The following ADK variants were observed in gnomAD, a reference collection of about 807,000 sequenced individuals.
The protein encoded by ADK is N6,N6-dimethyladenosine kinase.
In ADK, 24 loss-of-function variants were observed where a neutral mutation model predicts 44.7. That is an observed-to-expected ratio of 0.54 (90% CI 0.39 to 0.76). The LOEUF is 0.76. ADK is among the 30% of genes least tolerant of loss of function. ADK has a pLI of 0.00. For missense variants in ADK, 321 were observed against 425.1 expected, an observed-to-expected ratio of 0.76 and a Z score of 2.15; for synonymous variants, 128 against 142.6, an observed-to-expected ratio of 0.90 and a Z score of 0.73.
intron 9 of ADK, 33 bp downstream of exon 9, chr10:74,600,526 T>G (rs757086729): frequency 4.7e-5 from 67 of 1,431,076 alleles, no homozygotes; most frequent in Non-Finnish European, 6.5e-5. Context: ...GAATCTAGTA[T>G]TATGGAGATT....
chr10:74,704,772 T>G (rs144729594), intron 10 of ADK, among the ~76,000 whole-genome samples: 2 of 152,358 alleles, frequency 1.3e-5, no homozygotes, highest in Non-Finnish European at 2.9e-5. Flanking sequence ...AGAAAACAGA[T>G]GTTGCTTATA....
At chr10:74,179,945 CAGT>C (rs1443694147) in intron 1 of ADK, among the ~76,000 whole-genome samples, 2 of 152,158 alleles carry the variant, frequency 1.3e-5, no homozygotes, top group South Asian at 2.1e-4. Context: ...CTCAGTCTAA[CAGT>C]AGCCTAAAAG....
chr10:74,626,456 C>A (rs1418344520), intron 9 of ADK, among the ~76,000 whole-genome samples: 2 of 152,030 alleles, frequency 1.3e-5, no homozygotes, highest in African/African-American at 4.8e-5. Context: ...TGTGTGTCAC[C>A]ATGCCTGGCT....
At chr10:74,596,397 A>G (rs1255193769) in intron 8 of ADK, among the ~76,000 whole-genome samples, 1 of 152,066 alleles carries the variant, frequency 6.6e-6, no homozygotes, top group Non-Finnish European at 1.5e-5. Context: ...TGATTGGTTG[A>G]TTGATTGTTT....
chr10:74,247,865 C>T (rs1263159615), intron 3 of ADK, among the ~76,000 whole-genome samples: 1 of 152,064 alleles, frequency 6.6e-6, no homozygotes, highest in Admixed American at 6.5e-5. Context: ...ACATTGGTTA[C>T]AAGCTTCCCT....
At chr10:74,314,520 T>A (rs1350965062) in intron 3 of ADK, 147 bp from the exon 4 acceptor site, 3 of 630,868 alleles carry the variant, frequency 4.8e-6, no homozygotes, top group African/African-American at 1.8e-5. Context: ...ATTTTTGTTA[T>A]AAGATATTTC....
chr10:74,434,588 G>A (rs1240569054), intron 6 of ADK, among the ~76,000 whole-genome samples: 1 of 152,102 alleles, frequency 6.6e-6, no homozygotes, highest in Non-Finnish European at 1.5e-5. Flanking sequence ...AACAAAATGT[G>A]GATTGGTATT....
chr10:74,538,477 C>G (rs1849527843), intron 7 of ADK, among the ~76,000 whole-genome samples: 1 of 152,140 alleles, frequency 6.6e-6, no homozygotes. Flanking sequence ...AAACGAATTA[C>G]AAAACAGTGA....
chr10:74,258,825 T>C (rs535922322), intron 3 of ADK, among the ~76,000 whole-genome samples: 24 of 152,326 alleles, frequency 1.6e-4, no homozygotes, highest in African/African-American at 5.1e-4. Flanking sequence ...CTCTACCTTT[T>C]TCTTTAAATT....
rs150894281 is a variant in ADK at position 74,700,140 on chromosome 10, A to G, written c.965-8181A>G. On this transcript the variant is annotated intron_variant, in intron 10 of 10. Transcript: ENST00000539909. Reference sequence around the variant, plus strand: ...TTGGAAACTATGTAAATGCCCACACATAGGAGATAGATTAAACTACAGTGT... The same window carrying G: ...TTGGAAACTATGTAAATGCCCACACGTAGGAGATAGATTAAACTACAGTGT... 1.7e-3 allele frequency among the ~76,000 whole-genome samples: 254 copies of G among 152,336 alleles called. 2 individuals are homozygous for G. The highest frequency in any genetic ancestry group is 5.9e-3 in the African/African-American group (246 of 41,584).
chr10:74,538,652 A>G (rs1589229046), intron 7 of ADK, among the ~76,000 whole-genome samples: 1 of 152,160 alleles, frequency 6.6e-6, no homozygotes, highest in African/African-American at 2.4e-5. Flanking sequence ...CTAAGCCTGA[A>G]TGATGCTTGT....
chr10:74,638,097 G>A (rs964330434), intron 9 of ADK, among the ~76,000 whole-genome samples: 19 of 152,110 alleles, frequency 1.2e-4, no homozygotes, highest in African/African-American at 4.6e-4. Flanking sequence ...AAGACTTGAA[G>A]CAATGTAGGT....
intron 3 of ADK, among the ~76,000 whole-genome samples, chr10:74,267,699 C>T (rs1378062992): frequency 6.6e-6 from 1 of 150,918 alleles, no homozygotes; most frequent in South Asian, 2.1e-4. Context: ...GGACCCTCTT[C>T]ACCTCATCTT....
At chr10:74,671,815 G>T (rs907322570) in intron 10 of ADK, among the ~76,000 whole-genome samples, 1 of 152,288 alleles carries the variant, frequency 6.6e-6, no homozygotes, top group South Asian at 2.1e-4. Flanking sequence ...TTGACATTCA[G>T]TGGGACACAT....
At chr10:74,180,069 ATAG>A (rs1287973680) in intron 1 of ADK, among the ~76,000 whole-genome samples, 1 of 152,134 alleles carries the variant, frequency 6.6e-6, no homozygotes, top group Admixed American at 6.5e-5. Flanking sequence ...GTTGCTAAAT[ATAG>A]TAGTATGTGA....
At chr10:74,562,121 A>C (rs1227823813) in intron 7 of ADK, among the ~76,000 whole-genome samples, 1 of 152,228 alleles carries the variant, frequency 6.6e-6, no homozygotes, top group Non-Finnish European at 1.5e-5. Context: ...AGTGGTGAGC[A>C]TGACAATCTA....
intron 9 of ADK, among the ~76,000 whole-genome samples, chr10:74,626,018 C>A (rs1270230671): frequency 6.6e-6 from 1 of 151,934 alleles, no homozygotes; most frequent in African/African-American, 2.4e-5. Context: ...ATAAATAAAT[C>A]AACTAGTGTA....
At chr10:74,621,660 A>G (rs993424489) in intron 9 of ADK, among the ~76,000 whole-genome samples, 1 of 152,086 alleles carries the variant, frequency 6.6e-6, no homozygotes, top group Admixed American at 6.5e-5. Context: ...CACTTTGGGT[A>G]GTATATAGGT....
At chr10:74,186,045 C>T (rs1199323566) in intron 1 of ADK, among the ~76,000 whole-genome samples, 1 of 151,772 alleles carries the variant, frequency 6.6e-6, no homozygotes, top group Admixed American at 6.6e-5. Context: ...GATGGAGTTT[C>T]ACCATGTCGG....
Sources: gnomAD v4.1 joint callset for allele counts (sites outside exome capture counted in the v4.1 genomes callset) on GRCh38, gnomAD v4.1.1 for gene constraint, MANE v1.5 for transcripts, NCBI Gene and HGNC (gene_info 2026-07-23, HGNC 2026-07-21) for gene names.